Variants in THSD7A observed in about 807,000 individuals in gnomAD.
The protein encoded by THSD7A is thrombospondin type-1 domain-containing protein 7A.
A neutral mutation model predicts 231.3 loss-of-function variants in THSD7A; 96 were observed. The ratio of observed to expected loss-of-function variants is 0.41; its 90% CI spans 0.35 to 0.49. The LOEUF is 0.49. Among genes scored for constraint, THSD7A ranks in the 20% least tolerant of loss-of-function variants. The pLI, the probability that THSD7A is intolerant of heterozygous loss-of-function variation, is 0.05. For synonymous variants in THSD7A, 940 were observed against 743.3 expected (o/e 1.26, Z -4.30); for missense variants, 2,290 against 2,070.2 (o/e 1.11, Z -2.06).
chr7:11,553,063 T>A (rs1414886855), intron 4 of THSD7A, among the ~76,000 whole-genome samples: 1 of 152,008 alleles, frequency 6.6e-6, no homozygotes, highest in Non-Finnish European at 1.5e-5. Flanking sequence ...TGTCCTAAAT[T>A]TTCCTGGCAC....
chr7:11,736,893 G>A (rs1256686992), intron 1 of THSD7A, among the ~76,000 whole-genome samples: 1 of 151,898 alleles, frequency 6.6e-6, no homozygotes, highest in African/African-American at 2.4e-5. Flanking sequence ...GAATCATGGG[G>A]GCAGTTTCCC....
At chr7:11,582,422 TA>T (rs1562741748) in intron 4 of THSD7A, among the ~76,000 whole-genome samples, 1 of 152,116 alleles carries the variant, frequency 6.6e-6, no homozygotes, top group African/African-American at 2.4e-5. Flanking sequence ...TATTGTTTCC[TA>T]TCCTATATTA....
intron 1 of THSD7A, among the ~76,000 whole-genome samples, chr7:11,797,493 T>C: frequency 6.8e-6 from 1 of 147,612 alleles, no homozygotes; most frequent in East Asian, 2.2e-4. Flanking sequence ...CTTGGCTCAC[T>C]GTAGCCTTGA....
chr7:11,513,301 T>C (rs991648121), intron 6 of THSD7A, among the ~76,000 whole-genome samples: 4 of 151,328 alleles, frequency 2.6e-5, no homozygotes, highest in African/African-American at 9.7e-5. Flanking sequence ...TCCCAATCAC[T>C]TATGGAAAAA....
At chr7:11,549,175 A>T (rs1277324601) in intron 4 of THSD7A, among the ~76,000 whole-genome samples, 5 of 152,244 alleles carry the variant, frequency 3.3e-5, no homozygotes, top group African/African-American at 1.2e-4. Flanking sequence ...AGAAACGCAA[A>T]TTAAAACCAC....
chr7:11,406,563 T>C lies in THSD7A; in HGVS notation c.4063-89A>G, dbSNP rs544775883. The C allele has an allele frequency of 3.0e-6, 4 of 1,337,050 alleles. No individual in the cohort carries two copies. The South Asian group carries it at 6.2e-5, about 21-fold the overall frequency. 82.8% of individuals were successfully genotyped at this position (1,337,050 alleles called of 1,614,324 possible). ...TTAGTTATCTCTGCACCACTGACTT[T>C]GATTTATGAACATTTAGAGAAGGAT... On this transcript the variant is annotated intron_variant, in intron 21 of 27. Transcript: ENST00000423059. The surrounding 1 kb of genome is among the most constrained non-coding windows in gnomAD (Gnocchi z 4.7).
chr7:11,691,955 C>G (rs1472424412), intron 1 of THSD7A, among the ~76,000 whole-genome samples: 1 of 151,444 alleles, frequency 6.6e-6, no homozygotes, highest in Non-Finnish European at 1.5e-5. Flanking sequence ...AAATCACATC[C>G]TATCTGTTAG....
chr7:11,600,237 T>C (rs1780502818), intron 2 of THSD7A, among the ~76,000 whole-genome samples: 1 of 152,172 alleles, frequency 6.6e-6, no homozygotes, highest in Admixed American at 6.6e-5. Context: ...TAATATCACT[T>C]GAAACTTTAC....
chr7:11,557,513 G>C (rs1043024737), intron 4 of THSD7A, among the ~76,000 whole-genome samples: 2 of 151,886 alleles, frequency 1.3e-5, no homozygotes. Flanking sequence ...TTGGCATAAG[G>C]AGTGACTTTG....
chr7:11,626,364 G>T (rs1285411733), intron 2 of THSD7A, among the ~76,000 whole-genome samples: 1 of 152,022 alleles, frequency 6.6e-6, no homozygotes, highest in Non-Finnish European at 1.5e-5. Flanking sequence ...TTTCATCAAG[G>T]TCATATTCCC....
intron 5 of THSD7A, among the ~76,000 whole-genome samples, chr7:11,542,557 T>C (rs1309181235): frequency 6.6e-6 from 1 of 152,234 alleles, no homozygotes; most frequent in Admixed American, 6.5e-5. Flanking sequence ...TATGTTTATC[T>C]GATTGACTGC....
intron 2 of THSD7A, among the ~76,000 whole-genome samples, chr7:11,607,411 T>G (rs1022617735): frequency 2.6e-5 from 4 of 152,112 alleles, no homozygotes; most frequent in Non-Finnish European, 5.9e-5. Context: ...CCACAGTTTT[T>G]CCATATGGTG....
intron 8 of THSD7A, among the ~76,000 whole-genome samples, chr7:11,472,995 T>C (rs1331826204): frequency 6.6e-6 from 1 of 152,188 alleles, no homozygotes; most frequent in African/African-American, 2.4e-5. Flanking sequence ...ACACTGTACA[T>C]TAATTTCCTG....
intron 2 of THSD7A, among the ~76,000 whole-genome samples, chr7:11,599,720 C>T (rs1037325096): frequency 6.6e-6 from 1 of 152,044 alleles, no homozygotes; most frequent in South Asian, 2.1e-4. Context: ...TTCAAGTTGA[C>T]AAGGGGTGGA....
chr7:11,372,039 T>C lies in THSD7A; in HGVS notation c.*3755A>G, dbSNP rs1383636201. 6.6e-6 allele frequency: 1 copy of C among 151,958 alleles called. No individual in the cohort carries two copies. Among genetic ancestry groups the C allele is most frequent in the African/African-American group, 2.4e-5 (1 of 41,372 alleles). 9.4% of individuals were successfully genotyped at this position (151,958 alleles called of 1,614,324 possible). A position where few individuals can be genotyped will look rare whatever the true frequency, so the allele number is the denominator to read the frequency against. On this transcript the variant is annotated 3_prime_UTR_variant, in exon 28 of 28. Coordinates refer to ENST00000423059, the MANE Select transcript of THSD7A (RefSeq NM_015204.3). ...GAGGTAAATAAGTGTGTGAGAGGTCTATTCAATTTCTGTGAGAAGGAAGAC... is the reference window on the plus strand; with the variant it reads ...GAGGTAAATAAGTGTGTGAGAGGTCCATTCAATTTCTGTGAGAAGGAAGAC...
intron 1 of THSD7A, among the ~76,000 whole-genome samples, chr7:11,722,089 C>T (rs1171687757): frequency 6.6e-6 from 1 of 151,870 alleles, no homozygotes; most frequent in African/African-American, 2.4e-5. Flanking sequence ...ATGGCTGACA[C>T]CATGTTGTTT....
At chr7:11,413,810 C>G (rs1009558688) in intron 17 of THSD7A, 1 of 152,218 alleles carries the variant, frequency 6.6e-6, no homozygotes, top group African/African-American at 2.4e-5. Flanking sequence ...TGTCTAACAC[C>G]CAGGGCTCTA....
At chr7:11,641,645 T>A (rs1481010379) in intron 1 of THSD7A, among the ~76,000 whole-genome samples, 1 of 151,686 alleles carries the variant, frequency 6.6e-6, no homozygotes, top group Non-Finnish European at 1.5e-5. Context: ...TGAGAAAACT[T>A]CATGGAGATA....
chr7:11,670,984 A>G (rs1387445832), intron 1 of THSD7A, among the ~76,000 whole-genome samples: 1 of 152,168 alleles, frequency 6.6e-6, no homozygotes, highest in Non-Finnish European at 1.5e-5. Flanking sequence ...ACTATTTTCC[A>G]TAAGATTTCA....
Sources: gnomAD v4.1 joint callset for allele counts (sites outside exome capture counted in the v4.1 genomes callset) on GRCh38, gnomAD v4.1.1 for gene constraint, Gnocchi (gnomAD v3.1) non-coding constraint, MANE v1.5 for transcripts, NCBI Gene and HGNC (gene_info 2026-07-23, HGNC 2026-07-21) for gene names.